GRIN3A: variants seen among roughly 807,000 people sequenced by gnomAD.
The protein encoded by GRIN3A is glutamate ionotropic receptor NMDA type subunit 3A.
Under a neutral mutation model 92.4 loss-of-function variants are expected in GRIN3A, and 47 were observed. The observed-to-expected ratio is 0.51, with a 90% CI of 0.40 to 0.65. GRIN3A has a LOEUF of 0.65. Among genes scored for constraint, GRIN3A ranks in the 30% least tolerant of loss-of-function variants. The probability of loss-of-function intolerance (pLI) is 0.00; values close to 1 mark genes in which losing one functional copy is unlikely to be tolerated. For synonymous variants in GRIN3A, 527 were observed against 540.6 expected, an observed-to-expected ratio of 0.97 and a Z score of 0.35; for missense variants, 1,324 against 1,393.1, an observed-to-expected ratio of 0.95 and a Z score of 0.79.
chr9:101,601,457 G>A (rs1828209759), intron 6 of GRIN3A, among the ~76,000 whole-genome samples: 1 of 152,220 alleles, frequency 6.6e-6, no homozygotes, highest in Non-Finnish European at 1.5e-5. Flanking sequence ...AGAAGAGCCT[G>A]AGCTGGGATG....
chr9:101,706,096 A>T (rs192592910), intron 1 of GRIN3A, among the ~76,000 whole-genome samples: 207 of 152,332 alleles, frequency 1.4e-3, no homozygotes, highest in African/African-American at 4.6e-3. Context: ...TAGTCTGGGG[A>T]ATCAGGGAAG....
At position 101,628,498 on chromosome 9, in the gene GRIN3A, G is replaced by A. The variant is rs1380968204; in HGVS notation, c.2353-97C>T. On this transcript the variant is annotated intron_variant, in intron 3 of 8. Transcript: ENST00000361820. Reference sequence around the variant, plus strand: ...ATTCTTTGAAACTTAATAATAATTCGGAACTTTTCTAACCCCCACAGGCAG... The same window carrying A: ...ATTCTTTGAAACTTAATAATAATTCAGAACTTTTCTAACCCCCACAGGCAG... 44 of 1,261,900 alleles carry A rather than the reference G, an allele frequency of 3.5e-5. No individual in the cohort carries two copies. The East Asian group carries it at 7.3e-4, about 21-fold the overall frequency. The allele number at this position is 1,261,900 out of a possible 1,614,324, so 78.2% of individuals were successfully genotyped here.
intron 1 of GRIN3A, among the ~76,000 whole-genome samples, chr9:101,687,700 A>G (rs571239904): frequency 6.6e-6 from 1 of 152,334 alleles, no homozygotes; most frequent in South Asian, 2.1e-4. Flanking sequence ...AGTTTCCTAA[A>G]CTTCCAGCCC....
intron 1 of GRIN3A, among the ~76,000 whole-genome samples, chr9:101,714,145 T>C (rs1166891580): frequency 6.6e-6 from 1 of 152,150 alleles, no homozygotes; most frequent in Non-Finnish European, 1.5e-5. Flanking sequence ...GGACGCATTA[T>C]GAAAACGATT....
At chr9:101,597,875 T>G (rs1018506071) in intron 6 of GRIN3A, among the ~76,000 whole-genome samples, 2 of 152,200 alleles carry the variant, frequency 1.3e-5, no homozygotes, top group Non-Finnish European at 2.9e-5. Context: ...TATGACATAT[T>G]TTCTTGCTTG....
At chr9:101,589,915 T>G (rs1827999906) in intron 6 of GRIN3A, among the ~76,000 whole-genome samples, 1 of 152,202 alleles carries the variant, frequency 6.6e-6, no homozygotes, top group Non-Finnish European at 1.5e-5. Flanking sequence ...ACTCTTAATT[T>G]CATCTCAATA....
intron 6 of GRIN3A, chr9:101,594,217 G>T: frequency 1.5e-6 from 1 of 677,286 alleles, no homozygotes; most frequent in Non-Finnish European, 2.4e-6. Flanking sequence ...CCCCCTATAG[G>T]GTACCCTGAG....
At chr9:101,644,303 C>T (rs562097294) in intron 3 of GRIN3A, among the ~76,000 whole-genome samples, 2 of 151,734 alleles carry the variant, frequency 1.3e-5, no homozygotes, top group Admixed American at 1.3e-4. Context: ...AGAATGTTAG[C>T]CTTAAAGTGA....
chr9:101,588,273 A>T (rs1827973753), intron 6 of GRIN3A, among the ~76,000 whole-genome samples: 1 of 152,224 alleles, frequency 6.6e-6, no homozygotes, highest in Admixed American at 6.5e-5. Context: ...TTAACAAAAG[A>T]AACAGAAGAG....
At chr9:101,629,579 G>C (rs552201102) in intron 3 of GRIN3A, among the ~76,000 whole-genome samples, 1 of 152,272 alleles carries the variant, frequency 6.6e-6, no homozygotes, top group African/African-American at 2.4e-5. Flanking sequence ...AAGTAATATA[G>C]CTTGCTCTAA....
At chr9:101,617,004 T>C (rs1227199879) in intron 5 of GRIN3A, among the ~76,000 whole-genome samples, 2 of 148,578 alleles carry the variant, frequency 1.3e-5, no homozygotes, top group African/African-American at 5.0e-5. Context: ...ATGGAGACCA[T>C]CCTGACTAAC....
intron 3 of GRIN3A, among the ~76,000 whole-genome samples, chr9:101,661,828 G>T (rs1829175830): frequency 2.0e-5 from 3 of 151,826 alleles, no homozygotes; most frequent in African/African-American, 7.3e-5. Context: ...CCCAGTAATA[G>T]TGTTTGCTGG....
rs780617232 is a variant in GRIN3A at position 101,687,197 on chromosome 9, G to A, written c.703C>T (p.Pro235Ser). 10 of 1,613,556 alleles carry A rather than the reference G, an allele frequency of 6.2e-6. No individual in the cohort carries two copies. ...TCTAAACTCAGTTGTAGGTGAAGGG[G>A]ATTCTGTATTTAAAGATATGAAAAA... Reference protein sequence around the residue: ...RHEFPRESQNPLHLQLSLENS... With the variant: ...RHEFPRESQNSLHLQLSLENS... The change falls in exon 2 of 9, where the codon CCC (proline) becomes TCC (serine). Residue 235 changes from proline to serine, a missense_variant. Pro to Ser is a moderately conservative substitution (Grantham distance 74). Coordinates refer to ENST00000361820, the MANE Select transcript of GRIN3A (RefSeq NM_133445.3).
chr9:101,591,174 G>A (rs984199065), intron 6 of GRIN3A, among the ~76,000 whole-genome samples: 2 of 152,192 alleles, frequency 1.3e-5, no homozygotes, highest in Non-Finnish European at 2.9e-5. Context: ...TTCTCAAGAT[G>A]AGCCAAAGGT....
chr9:101,627,471 T>C (rs1828649547), intron 4 of GRIN3A, among the ~76,000 whole-genome samples: 1 of 152,178 alleles, frequency 6.6e-6, no homozygotes, highest in South Asian at 2.1e-4. Flanking sequence ...ATGCTGACCA[T>C]GGAGAAACCA....
chr9:101,648,769 C>G (rs1828972529), intron 3 of GRIN3A, among the ~76,000 whole-genome samples: 1 of 152,016 alleles, frequency 6.6e-6, no homozygotes, highest in Admixed American at 6.6e-5. Flanking sequence ...AGTATTTCCC[C>G]AAGTTTCACA....
chr9:101,660,753 A>G (rs749439844), intron 3 of GRIN3A, among the ~76,000 whole-genome samples: 2 of 151,546 alleles, frequency 1.3e-5, no homozygotes, highest in Non-Finnish European at 2.9e-5. Context: ...ATAGCATACC[A>G]CATTGCCCCC....
intron 1 of GRIN3A, among the ~76,000 whole-genome samples, chr9:101,692,364 C>A (rs1394175665): frequency 6.6e-6 from 1 of 152,124 alleles, no homozygotes; most frequent in African/African-American, 2.4e-5. Context: ...CCTGGAGATC[C>A]CTCATCAGTC....
At chr9:101,733,555 A>G (rs144576766) in intron 1 of GRIN3A, among the ~76,000 whole-genome samples, 1 of 152,236 alleles carries the variant, frequency 6.6e-6, no homozygotes, top group Non-Finnish European at 1.5e-5. Flanking sequence ...TGTGATTTGC[A>G]TAGAGCAAGT....
Sources: gnomAD v4.1 joint callset for allele counts (sites outside exome capture counted in the v4.1 genomes callset) on GRCh38, gnomAD v4.1.1 for gene constraint, MANE v1.5 for transcripts, NCBI Gene and HGNC (gene_info 2026-07-23, HGNC 2026-07-21) for gene names.